The following TEX2 variants were observed in gnomAD, a reference collection of about 807,000 sequenced individuals.
TEX2 encodes the protein testis-expressed protein 2.
Under a neutral mutation model 106.9 loss-of-function variants are expected in TEX2, and 53 were observed. That is an observed-to-expected ratio of 0.50 (90% CI 0.40 to 0.62). TEX2 has a LOEUF of 0.62. TEX2 is among the 20% of genes least tolerant of loss of function. The probability of loss-of-function intolerance (pLI) is 0.00; values close to 1 mark genes in which losing one functional copy is unlikely to be tolerated. For missense variants in TEX2, 1,207 were observed against 1,379.0 expected, an observed-to-expected ratio of 0.88 and a Z score of 1.98; for synonymous variants, 523 against 534.8, an observed-to-expected ratio of 0.98 and a Z score of 0.30.
In TEX2 at chr17:64,148,097, A is replaced by G. The variant is rs1454761523; in HGVS notation, c.*872T>C. On this transcript the variant is annotated 3_prime_UTR_variant, in exon 12 of 12. Transcript: ENST00000584379. ...CTGCCCATGGAACTCTCCCAATCAGATTAACAAACTGTTTCGATTCCCATA... is the reference window on the plus strand; with the variant it reads ...CTGCCCATGGAACTCTCCCAATCAGGTTAACAAACTGTTTCGATTCCCATA... 1 of 152,490 alleles carries G rather than the reference A, an allele frequency of 6.6e-6. No individual in the cohort carries two copies. The highest frequency in any genetic ancestry group is 1.5e-5 in the Non-Finnish European group (1 of 68,046). 9.4% of individuals were successfully genotyped at this position (152,490 alleles called of 1,614,324 possible).
intron 2 of TEX2, among the ~76,000 whole-genome samples, chr17:64,197,043 T>C (rs1555629452): frequency 1.3e-5 from 2 of 149,468 alleles, no homozygotes; most frequent in African/African-American, 4.9e-5. Flanking sequence ...TTTGCTGATA[T>C]TTTGTTCATT....
chr17:64,246,265 T>C (rs2033985864), intron 1 of TEX2, among the ~76,000 whole-genome samples: 3 of 152,300 alleles, frequency 2.0e-5, no homozygotes, highest in Admixed American at 6.5e-5. Flanking sequence ...GTCCTTTTTT[T>C]GACAGAGTCT....
chr17:64,184,175 T>C (rs1204663308), intron 5 of TEX2, among the ~76,000 whole-genome samples: 2 of 152,224 alleles, frequency 1.3e-5, no homozygotes, highest in East Asian at 1.9e-4. Flanking sequence ...CACTAATCAC[T>C]GCAGCTCTGA....
At chr17:64,187,630 G>A (rs1388432056) in intron 5 of TEX2, among the ~76,000 whole-genome samples, 1 of 151,954 alleles carries the variant, frequency 6.6e-6, no homozygotes, top group African/African-American at 2.4e-5. Context: ...CTCCCATCCT[G>A]ATCCTCCAGC....
At chr17:64,212,158 G>A (rs1015054088) in intron 2 of TEX2, among the ~76,000 whole-genome samples, 12 of 152,166 alleles carry the variant, frequency 7.9e-5, no homozygotes, top group African/African-American at 2.7e-4. Context: ...GCCAACAGCT[G>A]ACATTAATTT....
rs367612732 is a variant in TEX2 at position 64,171,210 on chromosome 17, C to T, written c.2572-11G>A. The T allele has an allele frequency of 4.5e-5, 73 of 1,611,394 alleles. No homozygotes were observed. Among genetic ancestry groups the T allele is most frequent in the Non-Finnish European group, 6.0e-5 (71 of 1,177,778 alleles). ...CATAAAGTAGGGGAGCTAGAGGAAA[C>T]AAGCAAACAATGAGTGAGACCCATG... On this transcript the variant is annotated splice_polypyrimidine_tract_variant and intron_variant, in intron 6 of 11. Coordinates refer to ENST00000584379, the MANE Select transcript of TEX2 (RefSeq NM_001288732.2).
chr17:64,213,745 G>C lies in TEX2; in HGVS notation c.473C>G (p.Thr158Ser), dbSNP rs28605685. 4.3e-6 allele frequency: 7 copies of C among 1,614,026 alleles called. No homozygotes were observed. The highest frequency in any genetic ancestry group is 3.4e-6 in the Non-Finnish European group (4 of 1,180,016). The change falls in exon 2 of 12, where the codon ACC becomes AGC. Residue 158 changes from threonine (T) to serine (S), a missense_variant. Thr to Ser is a moderately conservative substitution (Grantham distance 58, BLOSUM62 1). Around this residue, in one of 3 missense-constraint regions of TEX2, gnomAD observed 1,067 missense variants for 1,193.6 expected, o/e 0.89. Transcript: ENST00000584379. This position sits in a 1 kb window ranked among gnomAD's most constrained non-coding sequence, Gnocchi z 4.4. ...AGAGGACAATGGGGAGGAAGAACTG[G>C]TTTTCTGCTCAGAAAGGGATGACAC... is the stretch of plus-strand genomic sequence containing the variant. ...PSVSSLSEQK[T>S]SSSSPLSSPS... is the part of the protein sequence containing the mutation.
At chr17:64,260,591 T>C (rs1280672387) in intron 1 of TEX2, among the ~76,000 whole-genome samples, 2 of 152,196 alleles carry the variant, frequency 1.3e-5, no homozygotes, top group Non-Finnish European at 2.9e-5. Flanking sequence ...TTCTGTAAAA[T>C]GAGGCTATCA....
chr17:64,153,940 C>G lies in TEX2; in HGVS notation c.2931-786G>C, dbSNP rs1447478408. ...AGAGCAAGATGCTGTCTCAAGAAAA[C>G]AAACAAACAAACAAAATGCTACACC... On this transcript the variant is annotated intron_variant, in intron 9 of 11. Coordinates refer to ENST00000584379, the MANE Select transcript of TEX2 (RefSeq NM_001288732.2). The surrounding 1 kb of genome is among the most constrained non-coding windows in gnomAD (Gnocchi z 4.1). Among the ~76,000 whole-genome samples, 1 of 151,884 alleles carries G rather than the reference C, an allele frequency of 6.6e-6. No homozygotes were observed. The highest frequency in any genetic ancestry group is 1.5e-5 in the Non-Finnish European group (1 of 67,998).
chr17:64,233,321 C>A (rs2033697869), intron 1 of TEX2, among the ~76,000 whole-genome samples: 2 of 152,178 alleles, frequency 1.3e-5, no homozygotes, highest in Admixed American at 1.3e-4. Flanking sequence ...CGCCTGTAAT[C>A]CCAGCACTTT....
intron 1 of TEX2, among the ~76,000 whole-genome samples, chr17:64,240,777 A>G (rs2033872944): frequency 6.6e-6 from 1 of 152,170 alleles, no homozygotes; most frequent in African/African-American, 2.4e-5. Flanking sequence ...GGCAAGAGTA[A>G]CAATAGGGTA....
rs3070736 is a variant in TEX2, at chr17:64,168,902, C to CTTTTTTTTTT, written c.2671+2188_2671+2197dup. Among the ~76,000 whole-genome samples, 106 of 106,912 alleles carry CTTTTTTTTTT rather than the reference C, an allele frequency of 9.9e-4. 2 individuals carry two copies. Among genetic ancestry groups the CTTTTTTTTTT allele is most frequent in the African/African-American group, 2.1e-3 (59 of 27,890 alleles). 70.1% of individuals were successfully genotyped at this position (106,912 alleles called of 152,430 possible). A position where few individuals can be genotyped will look rare whatever the true frequency, so the allele number is the denominator to read the frequency against. On this transcript the variant is annotated intron_variant, in intron 7 of 11. Coordinates refer to ENST00000584379, the MANE Select transcript of TEX2 (RefSeq NM_001288732.2). ...CTATGCAGTGAACACATAGATGGTGCTTTTTTTTTTTTTTTTTGAGACAGA... is the reference window on the plus strand; with the variant it reads ...CTATGCAGTGAACACATAGATGGTGCTTTTTTTTTTTTTTTTTTTTTTTTTTTGAGACAGA...
At chr17:64,257,382 C>A (rs782048251) in intron 1 of TEX2, among the ~76,000 whole-genome samples, 9 of 152,230 alleles carry the variant, frequency 5.9e-5, no homozygotes, top group Non-Finnish European at 1.3e-4. Flanking sequence ...AGAGTTAATT[C>A]TTTAAGTTTA....
At chr17:64,200,544 A>G (rs900835312) in intron 2 of TEX2, among the ~76,000 whole-genome samples, 1 of 152,206 alleles carries the variant, frequency 6.6e-6, no homozygotes, top group Non-Finnish European at 1.5e-5. Context: ...TGAGATGAGT[A>G]TGCAATTACC....
rs532024570 is a variant in TEX2 at position 64,229,227 on chromosome 17, G to A, written c.-25-14985C>T. Among the ~76,000 whole-genome samples the A allele has an allele frequency of 5.9e-5, 9 of 152,254 alleles. No homozygotes were observed. In the South Asian group the frequency reaches 1.9e-3, roughly 32 times the overall value. The stretch of plus-strand genomic sequence containing the variant: ...CCAATTTACTCTCCTAATTAACATT[G>A]TATAAAATGTCCACCTTCAACCCTG... On this transcript the variant is annotated intron_variant, in intron 1 of 11. Coordinates refer to ENST00000584379, the MANE Select transcript of TEX2 (RefSeq NM_001288732.2).
intron 1 of TEX2, among the ~76,000 whole-genome samples, chr17:64,221,710 C>G (rs1353991293): frequency 6.6e-6 from 1 of 152,174 alleles, no homozygotes; most frequent in Admixed American, 6.5e-5. Context: ...AAAGCAGGGT[C>G]TCAAAAAGAT....
At chr17:64,227,205 A>G (rs1459902631) in intron 1 of TEX2, among the ~76,000 whole-genome samples, 1 of 149,954 alleles carries the variant, frequency 6.7e-6, no homozygotes, top group Admixed American at 6.7e-5. Context: ...CAGCCTGGTG[A>G]CAGAGTGAGA....
intron 5 of TEX2, among the ~76,000 whole-genome samples, chr17:64,182,403 A>C (rs1389210792): frequency 6.6e-6 from 1 of 152,190 alleles, no homozygotes; most frequent in Non-Finnish European, 1.5e-5. Context: ...TCAATGCATA[A>C]CATTATGAAT....
Position 64,153,024 on chromosome 17 carries a change from G to A in TEX2, c.3061C>T (p.Leu1021=). The part of the protein sequence containing the change: ...KKIEEVSNTP[L]LLTVEVQECR... ...TCTTGTACTTCAACAGTGAGCAGCAGGGGTGTGTTGGAGACTTCTTCGATC... is the reference window on the plus strand; with the variant it reads ...TCTTGTACTTCAACAGTGAGCAGCAAGGGTGTGTTGGAGACTTCTTCGATC... The change falls in exon 10 of 12, where the codon CTG becomes TTG. Residue 1021 remains leucine (L), a synonymous_variant. Coordinates refer to ENST00000584379, the MANE Select transcript of TEX2 (RefSeq NM_001288732.2). This position sits in a 1 kb window ranked among gnomAD's most constrained non-coding sequence, Gnocchi z 4.1. 2.5e-6 allele frequency: 4 copies of A among 1,614,186 alleles called. No homozygotes were observed. The highest frequency in any genetic ancestry group is 1.1e-5 in the South Asian group (1 of 91,082).
Sources: allele counts gnomAD v4.1 joint callset (sites outside exome capture counted in the v4.1 genomes callset), GRCh38; gene constraint gnomAD v4.1.1; regional missense constraint gnomAD v4.1.1; non-coding constraint Gnocchi (gnomAD v3.1); transcripts MANE v1.5; gene names NCBI Gene and HGNC (gene_info 2026-07-23, HGNC 2026-07-21).